The following FHDC1 variants were observed in gnomAD, a reference collection of about 807,000 sequenced individuals.
FHDC1 encodes the protein FH2 domain containing 1.
FHDC1 carries 25 observed loss-of-function variants against 52.6 expected under a neutral mutation model. The ratio of observed to expected loss-of-function variants is 0.48; its 90% CI spans 0.35 to 0.66. The LOEUF (loss-of-function observed/expected upper bound fraction) is 0.66, where lower values mean the gene tolerates loss of function less well. Among genes scored for constraint, FHDC1 ranks in the 30% least tolerant of loss-of-function variants. The pLI is 0.01. For missense variants in FHDC1, 1,459 were observed against 1,452.8 expected (o/e 1.00, Z -0.07); for synonymous variants, 616 against 581.5 (o/e 1.06, Z -0.85).
rs1293895449 is a variant in FHDC1 at position 152,963,765 on chromosome 4, CTTTGTTTTTT to C, written c.1029+639_1029+648del. On this transcript the variant is annotated intron_variant, in intron 8 of 11. Coordinates refer to ENST00000511601, the MANE Select transcript of FHDC1 (RefSeq NM_001371116.1). Reference sequence around the variant, plus strand: ...GTTTGGAGTCTGATCCTATCCATTGCTTTGTTTTTTTTTTTTTTTTTTTTTTTTTTTTTTT... The same window carrying C: ...GTTTGGAGTCTGATCCTATCCATTGCTTTTTTTTTTTTTTTTTTTTTTTTT... 1.1e-3 allele frequency among the ~76,000 whole-genome samples: 57 copies of C among 50,918 alleles called. 1 individual carries two copies. Among genetic ancestry groups the C allele is most frequent in the African/African-American group, 3.8e-3 (53 of 14,014 alleles). The allele number at this position is 50,918 out of a possible 152,430, so 33.4% of individuals were successfully genotyped here. A position where few individuals can be genotyped will look rare whatever the true frequency, so the allele number is the denominator to read the frequency against.
At chr4:152,933,192 G>C (rs1579074024), upstream of FHDC1, among the ~76,000 whole-genome samples, 1 of 152,224 alleles carries the variant, frequency 6.6e-6, no homozygotes, top group Non-Finnish European at 1.5e-5. Flanking sequence ...TCCAAGCCAC[G>C]AATGCCAGTA....
the FHDC1 span, among the ~76,000 whole-genome samples, chr4:152,916,175 A>C: frequency 1.3e-5 from 2 of 152,214 alleles, no homozygotes; most frequent in African/African-American, 4.8e-5. Flanking sequence ...TAGAAAACAA[A>C]AGATTTGAGA....
chr4:152,929,954 C>T, the FHDC1 span, among the ~76,000 whole-genome samples: 1 of 152,118 alleles, frequency 6.6e-6, no homozygotes, highest in African/African-American at 2.4e-5. This position sits in a 1 kb window ranked among gnomAD's most constrained non-coding sequence, Gnocchi z 4.1. Context: ...AAAATTGTAT[C>T]TTGTTTTTGT....
intron 9 of FHDC1, among the ~76,000 whole-genome samples, chr4:152,965,318 A>T (rs1282200674): frequency 1.3e-5 from 2 of 152,194 alleles, no homozygotes; most frequent in African/African-American, 4.8e-5. Context: ...TATCAATCAA[A>T]CTTTCATGGC....
chr4:152,923,736 G>A, the FHDC1 span, among the ~76,000 whole-genome samples: 1 of 152,056 alleles, frequency 6.6e-6, no homozygotes, highest in Admixed American at 6.6e-5. Context: ...TGACAAACCT[G>A]AGAAAAACAA....
chr4:152,925,852 G>A, the FHDC1 span, among the ~76,000 whole-genome samples: 1 of 141,034 alleles, frequency 7.1e-6, no homozygotes, highest in Non-Finnish European at 1.6e-5. Context: ...AGAAGGAGAA[G>A]AAGGAGAGGA....
intron 10 of FHDC1, among the ~76,000 whole-genome samples, chr4:152,969,667 T>C (rs1055718172): frequency 1.5e-5 from 2 of 134,918 alleles, no homozygotes; most frequent in African/African-American, 2.6e-5. Flanking sequence ...TGGCAGTCGT[T>C]TTTTTTTTTT....
upstream of FHDC1, among the ~76,000 whole-genome samples, chr4:152,933,729 CAAAAAAAAAA>C (rs70949623): frequency 1.6e-5 from 1 of 60,804 alleles, no homozygotes; most frequent in East Asian, 5.0e-4. Flanking sequence ...GACCCCGTCT[CAAAAAAAAAA>C]AAAAAAAAAA....
the FHDC1 span, among the ~76,000 whole-genome samples, chr4:152,923,009 G>C: frequency 6.6e-6 from 1 of 152,056 alleles, no homozygotes; most frequent in African/African-American, 2.4e-5. Flanking sequence ...TCTGGCCAGG[G>C]CAATTAGGCA....
the FHDC1 span, among the ~76,000 whole-genome samples, chr4:152,916,335 G>A: frequency 2.0e-5 from 3 of 152,090 alleles, no homozygotes; most frequent in Non-Finnish European, 2.9e-5. Flanking sequence ...AGGAATGCAT[G>A]CCTAAACTAC....
Position 152,975,929 on chromosome 4 carries a change from G to T in FHDC1, c.2638G>T (p.Ala880Ser), listed in dbSNP as rs748952216. The T allele has an allele frequency of 1.3e-6, 2 of 1,513,850 alleles. No homozygotes were observed. The highest frequency in any genetic ancestry group is 1.4e-5 in the South Asian group (1 of 73,494). The allele number at this position is 1,513,850 out of a possible 1,614,324, so 93.8% of individuals were successfully genotyped here. A position where few individuals can be genotyped will look rare whatever the true frequency, so the allele number is the denominator to read the frequency against. The change falls in exon 12 of 12, where the codon GCC becomes TCC. Residue 880 changes from alanine (A) to serine (S), a missense_variant. By Grantham distance (99) the Ala-to-Ser change is moderately conservative. Transcript: ENST00000511601. ...ASPGASKPGS[A>S]RRSQGAVAKS... ...TCCCGGGGCCTCCAAGCCCGGGAGC[G>T]CCCGGCGGAGCCAGGGGGCAGTGGC... is the stretch of plus-strand genomic sequence containing the variant.
intron 2 of FHDC1, among the ~76,000 whole-genome samples, chr4:152,945,111 G>A (rs974084962): frequency 4.6e-5 from 7 of 152,170 alleles, no homozygotes; most frequent in Admixed American, 6.5e-5. Flanking sequence ...AGGTGGCATC[G>A]TTTGTGAATT....
Position 152,936,387 on chromosome 4 carries a change from G to A in FHDC1, c.-153G>A, listed in dbSNP as rs975693167. ...GAGGCTGCAGCGGTCTGCGCGCCGG[G>A]AGCGGGGGCGCGCTGGCCGCGGGTG... On this transcript the variant is annotated 5_prime_UTR_variant, in exon 1 of 12. Transcript: ENST00000511601. 2.0e-5 allele frequency: 3 copies of A among 152,184 alleles called. No homozygotes were observed. Among genetic ancestry groups the A allele is most frequent in the African/African-American group, 7.2e-5 (3 of 41,414 alleles). The allele number at this position is 152,184 out of a possible 1,614,324, so 9.4% of individuals were successfully genotyped here. A position where few individuals can be genotyped will look rare whatever the true frequency, so the allele number is the denominator to read the frequency against.
chr4:152,968,698 C>T (rs971250092), intron 10 of FHDC1, among the ~76,000 whole-genome samples: 1 of 152,156 alleles, frequency 6.6e-6, no homozygotes, highest in Non-Finnish European at 1.5e-5. Context: ...TCAGTTTGCA[C>T]GATTGCAGTT....
the FHDC1 span, chr4:152,928,101 C>T: frequency 2.6e-6 from 3 of 1,169,152 alleles, no homozygotes; most frequent in Non-Finnish European, 3.9e-6. Flanking sequence ...TGCACCTACT[C>T]TGGGAGCAGC....
chr4:152,970,854 G>A (rs900986122), intron 10 of FHDC1, among the ~76,000 whole-genome samples: 10 of 152,160 alleles, frequency 6.6e-5, no homozygotes, highest in Non-Finnish European at 1.3e-4. Flanking sequence ...CGTCTTCACA[G>A]AATTTCCCTG....
At chr4:152,940,282 C>G (rs550944594) in intron 1 of FHDC1, among the ~76,000 whole-genome samples, 14 of 152,318 alleles carry the variant, frequency 9.2e-5, no homozygotes, top group African/African-American at 3.4e-4. Context: ...GGCTAGGATC[C>G]TTGTGTGTTA....
At chr4:152,920,132 G>C in the FHDC1 span, among the ~76,000 whole-genome samples, 7 of 151,768 alleles carry the variant, frequency 4.6e-5, no homozygotes, top group Non-Finnish European at 1.0e-4. Context: ...TATTTTAGTA[G>C]AGACAGGGTT....
intron 10 of FHDC1, among the ~76,000 whole-genome samples, chr4:152,969,036 C>A (rs1561213276): frequency 6.6e-6 from 1 of 151,600 alleles, no homozygotes; most frequent in Non-Finnish European, 1.5e-5. Context: ...TGACAGCTCA[C>A]TGTGACTCAC....
Sources: gnomAD v4.1 joint callset for allele counts (sites outside exome capture counted in the v4.1 genomes callset) on GRCh38, gnomAD v4.1.1 for gene constraint, Gnocchi (gnomAD v3.1) non-coding constraint, MANE v1.5 for transcripts, NCBI Gene and HGNC (gene_info 2026-07-23, HGNC 2026-07-21) for gene names.